The following NMBR variants were observed in gnomAD, a reference collection of about 807,000 sequenced individuals.
NMBR encodes the protein neuromedin B receptor.
A neutral mutation model predicts 20.5 loss-of-function variants in NMBR; 16 were observed. The ratio of observed to expected loss-of-function variants is 0.78; its 90% CI spans 0.53 to 1.19. The LOEUF (loss-of-function observed/expected upper bound fraction) is 1.19, where lower values mean the gene tolerates loss of function less well. Ranked by LOEUF, NMBR falls within the 50% of genes most tolerant of loss-of-function variation. The pLI is 0.00. For missense variants in NMBR, 582 were observed against 499.1 expected (o/e 1.17, Z -1.58); for synonymous variants, 212 against 196.6 (o/e 1.08, Z -0.65).
chr6:142,117,408 A>C (rs1777874176), intron 1 of NMBR, among the ~76,000 whole-genome samples: 1 of 151,956 alleles, frequency 6.6e-6, no homozygotes, highest in Non-Finnish European at 1.5e-5. Context: ...AATAAGTAGA[A>C]ATTCAAGGAA....
intron 1 of NMBR, among the ~76,000 whole-genome samples, chr6:142,138,336 A>G (rs1247163718): frequency 6.6e-6 from 1 of 152,168 alleles, no homozygotes. Context: ...GGTTTTCTCT[A>G]CATGAAAGCA....
rs542404263 is a variant in NMBR at position 142,088,851 on chromosome 6, C to G, written c.-193G>C. Reference sequence around the variant, plus strand: ...GGAGGGGTCTGTCCACACACTCGGGCGCTCCGCTTCTAGAGGGGGGAAATG... The same window carrying G: ...GGAGGGGTCTGTCCACACACTCGGGGGCTCCGCTTCTAGAGGGGGGAAATG... On this transcript the variant is annotated 5_prime_UTR_variant, in exon 2 of 4. Transcript: ENST00000258042. The G allele has an allele frequency of 1.5e-5, 8 of 521,210 alleles. No individual in the cohort carries two copies. Among genetic ancestry groups the G allele is most frequent in the Non-Finnish European group, 2.4e-5 (7 of 293,970 alleles). 32.3% of individuals were successfully genotyped at this position (521,210 alleles called of 1,614,324 possible).
intron 1 of NMBR, among the ~76,000 whole-genome samples, chr6:142,091,895 G>A (rs746063483): frequency 3.3e-5 from 5 of 152,072 alleles, no homozygotes; most frequent in Admixed American, 6.5e-5. Context: ...TTTCAAATTC[G>A]TTGACATGAG....
intron 1 of NMBR, among the ~76,000 whole-genome samples, chr6:142,111,727 T>G (rs1406947431): frequency 6.6e-6 from 1 of 152,154 alleles, no homozygotes; most frequent in Non-Finnish European, 1.5e-5. Flanking sequence ...CAATGCTGAT[T>G]TAATCTGTAT....
chr6:142,092,397 T>C (rs760274177), intron 1 of NMBR, among the ~76,000 whole-genome samples: 1 of 152,152 alleles, frequency 6.6e-6, no homozygotes, highest in Non-Finnish European at 1.5e-5. Context: ...CTATATGTAG[T>C]ATTATAATTC....
intron 1 of NMBR, among the ~76,000 whole-genome samples, chr6:142,118,772 T>C (rs901482926): frequency 1.3e-5 from 2 of 151,934 alleles, no homozygotes; most frequent in African/African-American, 2.4e-5. Context: ...TCTCAGTACT[T>C]CTAATTGGCC....
chr6:142,111,128 T>C (rs1329906940), intron 1 of NMBR, among the ~76,000 whole-genome samples: 1 of 151,780 alleles, frequency 6.6e-6, no homozygotes. Flanking sequence ...TATTCCCAAC[T>C]ACTCAGGAGT....
Position 142,088,218 on chromosome 6 carries a change from C to T in NMBR, c.422+19G>A. 1.2e-6 allele frequency: 2 copies of T among 1,602,192 alleles called. No individual in the cohort carries two copies. Among genetic ancestry groups the T allele is most frequent in the Non-Finnish European group, 1.7e-6 (2 of 1,176,812 alleles). On this transcript the variant is annotated intron_variant, in intron 2 of 3. Coordinates refer to ENST00000258042, the MANE Select transcript of NMBR (RefSeq NM_002511.4). ...CTCCACGACTTTTCCAAGCCACTCA[C>T]AGCTACCTGTGCTCTTACCTGTCGG...
intron 1 of NMBR, among the ~76,000 whole-genome samples, chr6:142,129,788 G>C (rs1375320610): frequency 6.6e-6 from 1 of 152,110 alleles, no homozygotes; most frequent in Non-Finnish European, 1.5e-5. Flanking sequence ...TCTCATTAAG[G>C]ACAGGATAAA....
intron 1 of NMBR, among the ~76,000 whole-genome samples, chr6:142,140,392 C>T (rs1259128594): frequency 2.0e-5 from 3 of 151,772 alleles, no homozygotes; most frequent in Admixed American, 6.6e-5. Context: ...ATAAAACAAC[C>T]AGTTTAAAAA....
chr6:142,138,061 T>G (rs1778294635), intron 1 of NMBR, among the ~76,000 whole-genome samples: 1 of 152,158 alleles, frequency 6.6e-6, no homozygotes, highest in South Asian at 2.1e-4. Flanking sequence ...GTGTTTATAT[T>G]AAGTTAGACT....
At chr6:142,080,011 C>T (rs60607928) in intron 2 of NMBR, among the ~76,000 whole-genome samples, 2,001 of 152,214 alleles carry the variant, frequency 0.013, 60 homozygotes, top group African/African-American at 0.045. Flanking sequence ...TAAAGTATTT[C>T]AGGTGACAAT....
Position 142,088,620 on chromosome 6 carries a change from G to T in NMBR, c.39C>A (p.Thr13=). The T allele has an allele frequency of 6.2e-7, 1 of 1,607,214 alleles. No individual in the cohort carries two copies. Among genetic ancestry groups the T allele is most frequent in the Non-Finnish European group, 8.5e-7 (1 of 1,179,846 alleles). ...GAACGGAACCGCTCTCATTCGCGCCGGTGGTCACCGAGAGGTTGGAAAGAG... is the reference window on the plus strand; with the variant it reads ...GAACGGAACCGCTCTCATTCGCGCCTGTGGTCACCGAGAGGTTGGAAAGAG... ...SKSLSNLSVT[T]GANESGSVPE... is the part of the protein sequence containing the mutation. The change falls in exon 2 of 4, where the codon ACC becomes ACA. Residue 13 remains threonine (T), a synonymous_variant. Coordinates refer to ENST00000258042, the MANE Select transcript of NMBR (RefSeq NM_002511.4).
rs374088762 is a variant in NMBR, at chr6:142,078,793, T to A, written c.533A>T (p.Glu178Val). The A allele has an allele frequency of 1.9e-6, 3 of 1,613,706 alleles. No homozygotes were observed. Among genetic ancestry groups the A allele is most frequent in the Non-Finnish European group, 2.5e-6 (3 of 1,179,982 alleles). Reference protein sequence around the residue: ...WVVSVLLAVPEAVFSEVARIS... With the variant: ...WVVSVLLAVPVAVFSEVARIS... Reference sequence around the variant, plus strand: ...GCGAGCCACTTCTGAAAACACCGCTTCGGGAACTGCCAGCAACACGGAGAC... The same window carrying A: ...GCGAGCCACTTCTGAAAACACCGCTACGGGAACTGCCAGCAACACGGAGAC... The change falls in exon 3 of 4, where the codon GAA (glutamate) becomes GTA (valine). Residue 178 changes from glutamate to valine, a missense_variant. Transcript: ENST00000258042.
chr6:142,134,979 C>G, intron 1 of NMBR: 1 of 497,420 alleles, frequency 2.0e-6, no homozygotes, highest in East Asian at 3.2e-5. Flanking sequence ...TTAGTTTTAT[C>G]TTACTCAGTG....
At chr6:142,086,945 A>C (rs1777210951) in intron 2 of NMBR, among the ~76,000 whole-genome samples, 1 of 152,194 alleles carries the variant, frequency 6.6e-6, no homozygotes, top group Non-Finnish European at 1.5e-5. Context: ...TTCTAGGTAA[A>C]ATAAGATTGC....
chr6:142,075,824 T>C lies in NMBR; in HGVS notation c.997A>G (p.Arg333Gly). The change falls in exon 4 of 4, where the codon AGG becomes GGG. Residue 333 changes from arginine to glycine, a missense_variant. Physicochemically the swap from Arg to Gly is moderately radical, Grantham distance 125. Coordinates refer to ENST00000258042, the MANE Select transcript of NMBR (RefSeq NM_002511.4). ...CAGCAGAGTTGGCTGTTGAAATGCC[T>C]CCTGAAGCTTTCACTGAGTAGGTAA... ...ALYLLSESFR[R>G]HFNSQLCCGR... 1 of 1,614,058 alleles carries C rather than the reference T, an allele frequency of 6.2e-7. No homozygotes were observed. The highest frequency in any genetic ancestry group is 1.1e-5 in the South Asian group (1 of 91,072).
chr6:142,146,008 C>A (rs373248026), intron 1 of NMBR, among the ~76,000 whole-genome samples: 40 of 152,326 alleles, frequency 2.6e-4, no homozygotes, highest in African/African-American at 9.4e-4. Context: ...TCATTGATTT[C>A]TCTACCAATC....
chr6:142,116,123 T>C (rs1483967829), intron 1 of NMBR, among the ~76,000 whole-genome samples: 1 of 151,926 alleles, frequency 6.6e-6, no homozygotes, highest in Non-Finnish European at 1.5e-5. Flanking sequence ...TCCACCATGA[T>C]TGTGAGGCTT....
Sources: gnomAD v4.1 joint callset for allele counts (sites outside exome capture counted in the v4.1 genomes callset) on GRCh38, gnomAD v4.1.1 for gene constraint, MANE v1.5 for transcripts, NCBI Gene and HGNC (gene_info 2026-07-23, HGNC 2026-07-21) for gene names.